Variants in HSDL2 observed in about 807,000 individuals in gnomAD.
HSDL2 encodes the protein hydroxysteroid dehydrogenase-like protein 2.
Under a neutral mutation model 46.3 loss-of-function variants are expected in HSDL2, and 27 were observed. The ratio of observed to expected loss-of-function variants is 0.58; its 90% CI spans 0.43 to 0.80. HSDL2 has a LOEUF of 0.80. Ranked by LOEUF, HSDL2 falls within the 30% of genes least tolerant of loss-of-function variation. The pLI is 0.00. For synonymous variants in HSDL2, 153 were observed against 163.6 expected (o/e 0.94, Z 0.50); for missense variants, 451 against 502.7 (o/e 0.90, Z 0.98).
At chr9:112,406,320 C>T (rs1024583739) in intron 3 of HSDL2, among the ~76,000 whole-genome samples, 1 of 152,124 alleles carries the variant, frequency 6.6e-6, no homozygotes, top group Non-Finnish European at 1.5e-5. Flanking sequence ...GGACACTGCA[C>T]AATCTATGTA....
chr9:112,435,098 CTG>C (rs1479188984), intron 6 of HSDL2, among the ~76,000 whole-genome samples: 2 of 152,046 alleles, frequency 1.3e-5, no homozygotes, highest in African/African-American at 4.8e-5. Context: ...ATTGCAAAAT[CTG>C]TGTTGAGAAA....
At chr9:112,425,046 T>C (rs1832215802) in intron 6 of HSDL2, among the ~76,000 whole-genome samples, 2 of 152,142 alleles carry the variant, frequency 1.3e-5, no homozygotes, top group African/African-American at 2.4e-5. Flanking sequence ...CTAATCCTTT[T>C]AGAACAATGT....
chr9:112,384,664 T>C (rs1219902424), intron 1 of HSDL2, among the ~76,000 whole-genome samples: 3 of 151,530 alleles, frequency 2.0e-5, no homozygotes, highest in African/African-American at 7.3e-5. Flanking sequence ...GAGACCGATA[T>C]TGGGAAGACA....
chr9:112,468,462 T>C (rs1204801223), intron 10 of HSDL2, among the ~76,000 whole-genome samples: 2 of 152,202 alleles, frequency 1.3e-5, no homozygotes, highest in Non-Finnish European at 2.9e-5. Context: ...TTTAATTTTG[T>C]TGACTAAAAT....
At chr9:112,400,515 G>A (rs1427837464) in intron 1 of HSDL2, among the ~76,000 whole-genome samples, 1 of 152,242 alleles carries the variant, frequency 6.6e-6, no homozygotes, top group African/African-American at 2.4e-5. Flanking sequence ...GCTGAGTCAG[G>A]AGAATCGCTT....
At chr9:112,392,951 A>G (rs930670388) in intron 1 of HSDL2, among the ~76,000 whole-genome samples, 11 of 152,190 alleles carry the variant, frequency 7.2e-5, no homozygotes, top group Non-Finnish European at 1.3e-4. Flanking sequence ...CATGGTTCCA[A>G]CTGTTCCCTC....
At chr9:112,435,294 G>A (rs1205750950) in intron 6 of HSDL2, among the ~76,000 whole-genome samples, 1 of 152,104 alleles carries the variant, frequency 6.6e-6, no homozygotes, top group African/African-American at 2.4e-5. Flanking sequence ...CTAATTTAGA[G>A]TTTTTAAGGA....
At chr9:112,418,578 GTA>G (rs1832048291) in intron 5 of HSDL2, among the ~76,000 whole-genome samples, 1 of 137,538 alleles carries the variant, frequency 7.3e-6, no homozygotes, top group Non-Finnish European at 1.6e-5. Flanking sequence ...AAAAAAAAAA[GTA>G]TGTGTATATA....
Position 112,412,377 on chromosome 9 carries a change from CA to C in HSDL2, c.395+3357del, listed in dbSNP as rs537225122. 3.1e-3 allele frequency among the ~76,000 whole-genome samples: 475 copies of C among 152,270 alleles called. 1 individual carries two copies. The highest frequency in any genetic ancestry group is 4.6e-3 in the Non-Finnish European group (310 of 68,034). On this transcript the variant is annotated intron_variant, in intron 4 of 10. Coordinates refer to ENST00000398805, the MANE Select transcript of HSDL2 (RefSeq NM_032303.5). ...AGGCAGATTTATCAAAACTAGTAAT[CA>C]TAACTATAGACAGTGCTGTAGCAGT...
intron 1 of HSDL2, among the ~76,000 whole-genome samples, chr9:112,402,514 C>T (rs1489612342): frequency 2.0e-5 from 3 of 149,806 alleles, no homozygotes; most frequent in African/African-American, 7.4e-5. Flanking sequence ...GCCATGATTG[C>T]GCCACTGTAC....
chr9:112,380,740 TC>T (rs1831068225), intron 1 of HSDL2, among the ~76,000 whole-genome samples: 1 of 152,124 alleles, frequency 6.6e-6, no homozygotes, highest in Non-Finnish European at 1.5e-5. Flanking sequence ...AGTGTACACT[TC>T]AGTAGTGTTA....
chr9:112,438,428 C>A lies in HSDL2; in HGVS notation c.599-3C>A, dbSNP rs1478749847. On this transcript the variant is annotated splice_polypyrimidine_tract_variant and splice_region_variant and intron_variant, in intron 6 of 10. Coordinates refer to ENST00000398805, the MANE Select transcript of HSDL2 (RefSeq NM_032303.5). ...TGTATGTGTGTGTGTGTTTTCTCTA[C>A]AGCCATACACACTGCTGCTATGGAT... 3.2e-6 allele frequency: 5 copies of A among 1,551,678 alleles called. No individual in the cohort carries two copies. The highest frequency in any genetic ancestry group is 4.3e-6 in the Non-Finnish European group (5 of 1,150,850).
intron 9 of HSDL2, among the ~76,000 whole-genome samples, chr9:112,458,903 C>G (rs1414261778): frequency 2.6e-5 from 4 of 151,836 alleles, no homozygotes; most frequent in Non-Finnish European, 5.9e-5. Flanking sequence ...ATAGCATGAA[C>G]CCGGGAGGCG....
At chr9:112,440,231 AT>A (rs1832610316) in intron 7 of HSDL2, among the ~76,000 whole-genome samples, 1 of 152,156 alleles carries the variant, frequency 6.6e-6, no homozygotes, top group African/African-American at 2.4e-5. Context: ...AGAACTTAAA[AT>A]GACCAGATAC....
intron 1 of HSDL2, among the ~76,000 whole-genome samples, chr9:112,403,645 TCA>T (rs1831657273): frequency 1.3e-5 from 2 of 149,752 alleles, no homozygotes; most frequent in African/African-American, 4.9e-5. Context: ...ATCCCACCAC[TCA>T]AAAAAAAAAA....
At chr9:112,466,500 C>T (rs1833386535) in intron 10 of HSDL2, among the ~76,000 whole-genome samples, 1 of 151,042 alleles carries the variant, frequency 6.6e-6, no homozygotes, top group Non-Finnish European at 1.5e-5. Context: ...CTGCAGTGAG[C>T]CAAGATCACG....
intron 9 of HSDL2, among the ~76,000 whole-genome samples, chr9:112,457,724 C>G (rs1251459021): frequency 6.6e-6 from 1 of 152,220 alleles, no homozygotes; most frequent in Non-Finnish European, 1.5e-5. Context: ...AAGCCAAGAA[C>G]TAGCAGATCA....
chr9:112,467,745 T>C (rs1037743699), intron 10 of HSDL2, among the ~76,000 whole-genome samples: 3 of 152,216 alleles, frequency 2.0e-5, no homozygotes, highest in Non-Finnish European at 4.4e-5. Flanking sequence ...CCACAGCTTC[T>C]TGATGCAGTT....
chr9:112,438,475 G>A lies in HSDL2; in HGVS notation c.643G>A (p.Glu215Lys), dbSNP rs376364683. ...AMDMLGGPGI[E>K]SQCRKVDIIA... ...GGATATGCTGGGAGGACCTGGTATC[G>A]AAAGCCAGTGTAGAAAAGTTGATAT... The change falls in exon 7 of 11, where the codon GAA becomes AAA. Residue 215 changes from glutamate (E) to lysine (K), a missense_variant. Transcript: ENST00000398805. 22 of 1,609,522 alleles carry A rather than the reference G, an allele frequency of 1.4e-5. No individual in the cohort carries two copies. Among genetic ancestry groups the A allele is most frequent in the South Asian group, 2.2e-5 (2 of 89,710 alleles).
Sources: allele counts gnomAD v4.1 joint callset (sites outside exome capture counted in the v4.1 genomes callset), GRCh38; gene constraint gnomAD v4.1.1; transcripts MANE v1.5; gene names NCBI Gene and HGNC (gene_info 2026-07-23, HGNC 2026-07-21).